CABCOCO1: variants seen among roughly 807,000 people sequenced by gnomAD.
The protein encoded by CABCOCO1 is ciliary-associated calcium-binding coiled-coil protein 1.
A neutral mutation model predicts 35.7 loss-of-function variants in CABCOCO1; 28 were observed. The ratio of observed to expected loss-of-function variants is 0.78; its 90% CI spans 0.58 to 1.07. The LOEUF is 1.07. CABCOCO1 is among the 50% of genes least tolerant of loss of function. CABCOCO1 has a pLI of 0.00. For synonymous variants in CABCOCO1, 95 were observed against 100.1 expected (o/e 0.95, Z 0.30); for missense variants, 326 against 309.2 (o/e 1.05, Z -0.41).
At chr10:61,733,067 G>T (rs1306380434) in intron 5 of CABCOCO1, among the ~76,000 whole-genome samples, 1 of 151,952 alleles carries the variant, frequency 6.6e-6, no homozygotes, top group Non-Finnish European at 1.5e-5. Flanking sequence ...TACTTAGCTA[G>T]ATGTACCATT....
At chr10:61,667,630 ACC>A in intron 1 of CABCOCO1, among the ~76,000 whole-genome samples, 1 of 151,880 alleles carries the variant, frequency 6.6e-6, no homozygotes. Context: ...CATATTTATA[ACC>A]AAGTATAATT....
rs560469544 is a variant in CABCOCO1, at chr10:61,695,904, A to G, written c.552+5283A>G. 2.6e-5 allele frequency among the ~76,000 whole-genome samples: 4 copies of G among 152,216 alleles called. No individual in the cohort carries two copies. In the East Asian group the frequency reaches 5.8e-4, roughly 22 times the overall value. The stretch of plus-strand genomic sequence containing the variant: ...GATCAAAAAAATAAGTACATTTATT[A>G]CAAACAGAAACACACTAAAGGAAAT... On this transcript the variant is annotated intron_variant, in intron 5 of 7. Coordinates refer to ENST00000648843, the MANE Select transcript of CABCOCO1 (RefSeq NM_001366906.2).
intron 5 of CABCOCO1, among the ~76,000 whole-genome samples, chr10:61,701,269 T>C (rs1840451533): frequency 1.3e-5 from 2 of 152,194 alleles, no homozygotes; most frequent in Admixed American, 1.3e-4. Context: ...GCATTATTTC[T>C]TTTTTCCTTG....
intron 5 of CABCOCO1, among the ~76,000 whole-genome samples, chr10:61,750,503 G>A (rs924998731): frequency 6.6e-6 from 1 of 152,152 alleles, no homozygotes. Context: ...TTGAACCTGG[G>A]AGGCGGAGTT....
intron 5 of CABCOCO1, among the ~76,000 whole-genome samples, chr10:61,691,884 A>G (rs950096726): frequency 6.6e-6 from 1 of 152,096 alleles, no homozygotes; most frequent in African/African-American, 2.4e-5. Flanking sequence ...TTCTTTATCC[A>G]GTCTATCATT....
chr10:61,680,049 G>T (rs531262002), intron 2 of CABCOCO1, among the ~76,000 whole-genome samples: 2 of 151,778 alleles, frequency 1.3e-5, no homozygotes, highest in African/African-American at 4.8e-5. Context: ...CGGTGTTCAC[G>T]CCTGTAATCC....
intron 5 of CABCOCO1, among the ~76,000 whole-genome samples, chr10:61,720,695 G>GT (rs956167892): frequency 6.6e-6 from 1 of 151,514 alleles, no homozygotes; most frequent in African/African-American, 2.4e-5. Context: ...GTGGTGGGGG[G>GT]GCAGGTAATG....
At chr10:61,668,379 T>A (rs1839254766) in intron 1 of CABCOCO1, among the ~76,000 whole-genome samples, 1 of 152,008 alleles carries the variant, frequency 6.6e-6, no homozygotes, top group Non-Finnish European at 1.5e-5. Context: ...CTCTCTATAG[T>A]CTGTAAATAT....
intron 5 of CABCOCO1, among the ~76,000 whole-genome samples, chr10:61,750,846 C>T (rs1362104886): frequency 6.6e-6 from 1 of 152,196 alleles, no homozygotes; most frequent in Non-Finnish European, 1.5e-5. Flanking sequence ...AAATACTCAA[C>T]ATCCAATGAA....
At chr10:61,664,355 C>T (rs924028816) in intron 1 of CABCOCO1, among the ~76,000 whole-genome samples, 2 of 152,056 alleles carry the variant, frequency 1.3e-5, no homozygotes, top group Admixed American at 1.3e-4. Flanking sequence ...TAGACCATGT[C>T]CTTTCCAAAA....
chr10:61,680,373 CATATAACAT>C (rs1485813534), intron 2 of CABCOCO1, among the ~76,000 whole-genome samples: 5 of 128,830 alleles, frequency 3.9e-5, no homozygotes, highest in Non-Finnish European at 7.8e-5. Context: ...TATTTATATA[CATATAACAT>C]ATAATATATA....
intron 5 of CABCOCO1, among the ~76,000 whole-genome samples, chr10:61,693,880 T>C (rs564441356): frequency 1.2e-3 from 183 of 151,160 alleles, no homozygotes; most frequent in African/African-American, 4.4e-3. Context: ...TAAAAAAAAA[T>C]AACAGGTGAA....
At chr10:61,697,259 G>A (rs1840320558) in intron 5 of CABCOCO1, among the ~76,000 whole-genome samples, 1 of 151,964 alleles carries the variant, frequency 6.6e-6, no homozygotes, top group Admixed American at 6.6e-5. Flanking sequence ...AATCAGAAGG[G>A]AAATACTTTA....
chr10:61,732,464 A>C (rs1327199281), intron 5 of CABCOCO1, among the ~76,000 whole-genome samples: 1 of 134,968 alleles, frequency 7.4e-6, no homozygotes, highest in South Asian at 2.5e-4. Context: ...AAATCTATCA[A>C]TAGTTGACTG....
chr10:61,677,837 G>A (rs1220381784), intron 2 of CABCOCO1, among the ~76,000 whole-genome samples: 1 of 23,282 alleles, frequency 4.3e-5, no homozygotes, highest in Non-Finnish European at 8.9e-5. Context: ...TTTTTTTTTT[G>A]TCCTTGCAGC....
chr10:61,671,415 G>C (rs1048956365), intron 1 of CABCOCO1, among the ~76,000 whole-genome samples: 79 of 152,196 alleles, frequency 5.2e-4, no homozygotes, highest in African/African-American at 1.7e-3. Context: ...GCTAAAACTA[G>C]ACTCTATTCA....
intron 5 of CABCOCO1, among the ~76,000 whole-genome samples, chr10:61,734,576 A>G (rs887033818): frequency 1.3e-5 from 2 of 152,106 alleles, no homozygotes; most frequent in African/African-American, 4.8e-5. Context: ...GCAGCATTTT[A>G]TGTCAACAAG....
intron 5 of CABCOCO1, among the ~76,000 whole-genome samples, chr10:61,694,002 T>C (rs1034728335): frequency 2.0e-5 from 3 of 151,970 alleles, no homozygotes; most frequent in Non-Finnish European, 4.4e-5. Flanking sequence ...AGTTATGAGA[T>C]AATCGAGGCA....
At chr10:61,680,679 T>TACATG (rs1839743524) in intron 2 of CABCOCO1, among the ~76,000 whole-genome samples, 1 of 82,148 alleles carries the variant, frequency 1.2e-5, no homozygotes, top group African/African-American at 5.2e-5. Flanking sequence ...AACATATATG[T>TACATG]TATACATGTA....
Sources: gnomAD v4.1 joint callset for allele counts (sites outside exome capture counted in the v4.1 genomes callset) on GRCh38, gnomAD v4.1.1 for gene constraint, MANE v1.5 for transcripts, NCBI Gene and HGNC (gene_info 2026-07-23, HGNC 2026-07-21) for gene names.